Variants in RXRA observed in about 807,000 individuals in gnomAD.
The protein encoded by RXRA is retinoic acid receptor RXR-alpha.
Under a neutral mutation model 44.5 loss-of-function variants are expected in RXRA, and 5 were observed. That is an observed-to-expected ratio of 0.11 (90% CI 0.06 to 0.24). RXRA has a LOEUF of 0.24. Ranked by LOEUF, RXRA falls within the 10% of genes least tolerant of loss-of-function variation. The pLI is 1.00. For synonymous variants in RXRA, 291 were observed against 271.4 expected (o/e 1.07, Z -0.71); for missense variants, 412 against 646.5 (o/e 0.64, Z 3.93).
intron 1 of RXRA, among the ~76,000 whole-genome samples, chr9:134,331,706 C>T (rs1554746655): frequency 6.6e-6 from 1 of 152,244 alleles, no homozygotes; most frequent in African/African-American, 2.4e-5. Flanking sequence ...GACAAGCCCA[C>T]TTAGTGGATG....
intron 4 of RXRA, among the ~76,000 whole-genome samples, chr9:134,416,321 C>T (rs557610508): frequency 1.3e-5 from 2 of 152,170 alleles, no homozygotes; most frequent in African/African-American, 2.4e-5. Context: ...CTTTGCTGAG[C>T]GCCCACCCCC....
chr9:134,413,169 G>A (rs888323406), intron 4 of RXRA, among the ~76,000 whole-genome samples: 3 of 152,208 alleles, frequency 2.0e-5, no homozygotes, highest in Non-Finnish European at 4.4e-5. Context: ...GATGGGCTGG[G>A]GGCATCAGGA....
At chr9:134,421,624 C>T in intron 5 of RXRA, 52 bp from the exon 6 acceptor site, 1 of 1,529,168 alleles carries the variant, frequency 6.5e-7, no homozygotes, top group South Asian at 1.3e-5. Context: ...TGTGTTTGGT[C>T]AGTACACTGG....
intron 6 of RXRA, chr9:134,423,769 G>C: frequency 1.0e-6 from 1 of 985,414 alleles, no homozygotes; most frequent in Non-Finnish European, 1.2e-6. Context: ...GGCTCCCCCA[G>C]AACCCTCGGT....
At chr9:134,397,614 C>A (rs1830898805) in intron 1 of RXRA, among the ~76,000 whole-genome samples, 1 of 152,236 alleles carries the variant, frequency 6.6e-6, no homozygotes, top group South Asian at 2.1e-4. Context: ...GCTTTCTGCT[C>A]TTCCGTTTAG....
At chr9:134,394,659 G>A (rs538666414) in intron 1 of RXRA, among the ~76,000 whole-genome samples, 40 of 152,170 alleles carry the variant, frequency 2.6e-4, no homozygotes, top group Non-Finnish European at 5.0e-4. Flanking sequence ...TGCACGCTAC[G>A]TGCCTCAGGG....
rs1470235271 is a variant in RXRA, at chr9:134,398,062, C to T, written c.29-3570C>T. Among the ~76,000 whole-genome samples the T allele has an allele frequency of 2.0e-5, 3 of 152,130 alleles. No individual in the cohort carries two copies. In the East Asian group the frequency reaches 5.8e-4, roughly 29 times the overall value. On this transcript the variant is annotated intron_variant, in intron 1 of 9. Coordinates refer to ENST00000481739, the MANE Select transcript of RXRA (RefSeq NM_002957.6). ...TGGCGCGATCTCTGCTTACTGCAAC[C>T]TCCGCCTCCCAGGTTCAAGCGATTC...
At chr9:134,405,151 T>A (rs570369858) in intron 2 of RXRA, 1 of 152,276 alleles carries the variant, frequency 6.6e-6, no homozygotes, top group East Asian at 1.9e-4. Context: ...TGTGCTGTGC[T>A]CCGGGGGCTG....
intron 1 of RXRA, among the ~76,000 whole-genome samples, chr9:134,327,043 C>T (rs1834926478): frequency 6.6e-6 from 1 of 152,044 alleles, no homozygotes; most frequent in African/African-American, 2.4e-5. Context: ...GCCTCCCTGG[C>T]CTGGGGACCG....
At chr9:134,418,953 A>T (rs947208016) in intron 5 of RXRA, among the ~76,000 whole-genome samples, 2 of 152,006 alleles carry the variant, frequency 1.3e-5, no homozygotes, top group Admixed American at 6.6e-5. Context: ...GGTCAGGGCC[A>T]CCCTGCTTCC....
At chr9:134,368,502 G>T (rs1830441791) in intron 1 of RXRA, among the ~76,000 whole-genome samples, 1 of 152,224 alleles carries the variant, frequency 6.6e-6, no homozygotes, top group Non-Finnish European at 1.5e-5. Flanking sequence ...TGAGCAAAAA[G>T]TCATGTGTGC....
chr9:134,433,699 T>C lies in RXRA; in HGVS notation c.1136-403T>C, dbSNP rs564980157. 6.6e-6 allele frequency among the ~76,000 whole-genome samples: 1 copy of C among 151,556 alleles called. No homozygotes were observed. Among genetic ancestry groups the C allele is most frequent in the East Asian group, 2.0e-4 (1 of 5,112 alleles). ...TACTCCTGGGGGCAGCAGCGCTATC[T>C]CCCATCCATGTTATGGGGCTGGGAC... On this transcript the variant is annotated intron_variant, in intron 8 of 9. Coordinates refer to ENST00000481739, the MANE Select transcript of RXRA (RefSeq NM_002957.6). This position sits in a 1 kb window ranked among gnomAD's most constrained non-coding sequence, Gnocchi z 4.2.
At chr9:134,402,723 T>A (rs1272021643) in intron 2 of RXRA, 1 of 152,132 alleles carries the variant, frequency 6.6e-6, no homozygotes, top group Non-Finnish European at 1.5e-5. Context: ...CTCCCGGTGG[T>A]TGCTTGTGGA....
chr9:134,347,153 G>A (rs1309330626), intron 1 of RXRA, among the ~76,000 whole-genome samples: 24 of 152,084 alleles, frequency 1.6e-4, no homozygotes, highest in Admixed American at 7.9e-4. Context: ...CCATCACTAT[G>A]GGGGTGGCAG....
At chr9:134,432,306 T>C (rs1170955827) in intron 8 of RXRA, among the ~76,000 whole-genome samples, 1 of 152,218 alleles carries the variant, frequency 6.6e-6, no homozygotes, top group Non-Finnish European at 1.5e-5. Context: ...GAATCCAGAC[T>C]CCGAAAGTGG....
intron 6 of RXRA, 169 bp downstream of exon 6, chr9:134,421,974 A>G: frequency 2.0e-6 from 3 of 1,493,096 alleles, no homozygotes; most frequent in South Asian, 2.5e-5. Context: ...CTCTCCTGGG[A>G]CACACTCCTA....
chr9:134,336,653 C>A (rs1830011424), intron 1 of RXRA, among the ~76,000 whole-genome samples: 1 of 152,196 alleles, frequency 6.6e-6, no homozygotes. Context: ...GCTCCAGGCA[C>A]CCCCTCTCAT....
chr9:134,372,553 C>A (rs150745332), intron 1 of RXRA, among the ~76,000 whole-genome samples: 3 of 150,864 alleles, frequency 2.0e-5, no homozygotes, highest in African/African-American at 7.2e-5. Context: ...GAGGCCTCCC[C>A]GTCACCTCAG....
At chr9:134,393,221 A>G (rs1251462140) in intron 1 of RXRA, among the ~76,000 whole-genome samples, 1 of 151,686 alleles carries the variant, frequency 6.6e-6, no homozygotes, top group African/African-American at 2.4e-5. Context: ...TTCTCCCTGT[A>G]GCACTGGGGC....
Sources: allele counts gnomAD v4.1 joint callset (sites outside exome capture counted in the v4.1 genomes callset), GRCh38; gene constraint gnomAD v4.1.1; non-coding constraint Gnocchi (gnomAD v3.1); transcripts MANE v1.5; gene names NCBI Gene and HGNC (gene_info 2026-07-23, HGNC 2026-07-21).